Variants in TXN2 observed in about 807,000 individuals in gnomAD.
The protein encoded by TXN2 is thioredoxin 2, also known as thioredoxin, mitochondrial.
A neutral mutation model predicts 14.6 loss-of-function variants in TXN2; 12 were observed. The ratio of observed to expected loss-of-function variants is 0.82; its 90% CI spans 0.53 to 1.33. The LOEUF (loss-of-function observed/expected upper bound fraction) is 1.33, where lower values mean the gene tolerates loss of function less well. Ranked by LOEUF, TXN2 falls within the 40% of genes most tolerant of loss-of-function variation. TXN2 has a pLI of 0.00. For synonymous variants in TXN2, 89 were observed against 81.0 expected (o/e 1.10, Z -0.53); for missense variants, 173 against 207.7 (o/e 0.83, Z 1.03).
intron 3 of TXN2, among the ~76,000 whole-genome samples, chr22:36,476,516 C>CG (rs1568978233): frequency 6.6e-6 from 1 of 151,842 alleles, no homozygotes; most frequent in Non-Finnish European, 1.5e-5. Context: ...CGCGTGAACC[C>CG]GGGAGGCAGA....
Position 36,477,966 on chromosome 22 carries a change from G to A in TXN2, c.264-1110C>T, listed in dbSNP as rs144118419. On this transcript the variant is annotated intron_variant, in intron 2 of 3. Transcript: ENST00000216185. ...AGCCTGGCCAACATGGTAAAACCTC[G>A]TCTCTACTAAAAATACAAAGATTAG... 3.2e-3 allele frequency among the ~76,000 whole-genome samples: 487 copies of A among 151,880 alleles called. 3 individuals are homozygous for A. The highest frequency in any genetic ancestry group is 0.011 in the African/African-American group (466 of 41,398).
intron 3 of TXN2, among the ~76,000 whole-genome samples, chr22:36,471,319 G>T: frequency 6.6e-6 from 1 of 152,262 alleles, no homozygotes; most frequent in South Asian, 2.1e-4. Context: ...CAGGAGTGGG[G>T]GAGTGTGTAC....
chr22:36,481,627 G>A lies in TXN2; in HGVS notation c.-64C>T, dbSNP rs1193168902. On this transcript the variant is annotated 5_prime_UTR_variant, in exon 1 of 4. Transcript: ENST00000216185. ...CTCCCTGCCTGTCAAGGGCACGCCT[G>A]TCGTCACTTCCTCGGGGGGGGACGT... 4.1e-6 allele frequency: 4 copies of A among 975,470 alleles called. No homozygotes were observed. Among genetic ancestry groups the A allele is most frequent in the East Asian group, 2.3e-4 (2 of 8,688 alleles). The allele number at this position is 975,470 out of a possible 1,614,324, so 60.4% of individuals were successfully genotyped here.
chr22:36,479,375 A>G (rs1933452054), intron 2 of TXN2, among the ~76,000 whole-genome samples: 1 of 146,560 alleles, frequency 6.8e-6, no homozygotes, highest in Non-Finnish European at 1.5e-5. Context: ...TCTGTCACCC[A>G]GGCTGGAGTG....
chr22:36,479,450 G>A (rs1817597480), intron 2 of TXN2, among the ~76,000 whole-genome samples: 1 of 151,648 alleles, frequency 6.6e-6, no homozygotes, highest in African/African-American at 2.4e-5. Context: ...TCCTGCCTCA[G>A]CCTCTTGGGT....
intron 3 of TXN2, among the ~76,000 whole-genome samples, chr22:36,471,516 G>T: frequency 6.6e-6 from 1 of 152,194 alleles, no homozygotes; most frequent in East Asian, 1.9e-4. Context: ...GCTCATTGCA[G>T]AGTTAAAAGG....
At chr22:36,470,785 A>G (rs1411905438) in intron 3 of TXN2, among the ~76,000 whole-genome samples, 1 of 151,796 alleles carries the variant, frequency 6.6e-6, no homozygotes, top group Admixed American at 6.6e-5. Context: ...AAATATTAAA[A>G]AAAAAAAAAA....
Position 36,467,555 on chromosome 22 carries a change from G to A in TXN2, c.*249C>T. ...ACACATCCTGGGAGAACTGCCATAG[G>A]CCCTAGAAGGAGGGATGAAAGGCGT... On this transcript the variant is annotated 3_prime_UTR_variant, in exon 4 of 4. Coordinates refer to ENST00000216185, the MANE Select transcript of TXN2 (RefSeq NM_012473.4). The A allele has an allele frequency of 2.1e-6, 1 of 482,138 alleles. No individual in the cohort carries two copies. Among genetic ancestry groups the A allele is most frequent in the East Asian group, 4.0e-5 (1 of 25,244 alleles). The allele number at this position is 482,138 out of a possible 1,614,324, so 29.9% of individuals were successfully genotyped here.
intron 3 of TXN2, chr22:36,468,606 A>G: frequency 2.3e-6 from 1 of 440,506 alleles, no homozygotes; most frequent in South Asian, 1.6e-5. Flanking sequence ...ACATGCCTGT[A>G]CTCCCATACT....
chr22:36,474,498 T>G lies in TXN2; in HGVS notation c.387+2235A>C, dbSNP rs73169637. 9.0e-3 allele frequency among the ~76,000 whole-genome samples: 1,372 copies of G among 152,200 alleles called. 14 individuals are homozygous for G. Among genetic ancestry groups the G allele is most frequent in the East Asian group, 0.042 (220 of 5,182 alleles). On this transcript the variant is annotated intron_variant, in intron 3 of 3. Transcript: ENST00000216185. ...AAGAGTGAAACCTGGACTTGTATAC[T>G]CTGAGGAATAAAGCGGCCTCTTTCA...
intron 3 of TXN2, among the ~76,000 whole-genome samples, chr22:36,476,277 A>C (rs1412993329): frequency 1.3e-5 from 2 of 152,144 alleles, no homozygotes; most frequent in Non-Finnish European, 2.9e-5. Context: ...ACCTCTGCAA[A>C]GTGCTCTGAG....
At chr22:36,475,614 C>T (rs930850239) in intron 3 of TXN2, among the ~76,000 whole-genome samples, 6 of 152,136 alleles carry the variant, frequency 3.9e-5, no homozygotes, top group Non-Finnish European at 7.4e-5. Flanking sequence ...GTTGTAGCAG[C>T]GACCACTGCC....
chr22:36,478,157 G>T (rs935702119), intron 2 of TXN2, among the ~76,000 whole-genome samples: 3 of 143,014 alleles, frequency 2.1e-5, no homozygotes, highest in African/African-American at 5.3e-5. Context: ...AAAAAAAAGA[G>T]AAAGTGTTTT....
At chr22:36,473,235 G>A (rs1403423834) in intron 3 of TXN2, among the ~76,000 whole-genome samples, 1 of 152,172 alleles carries the variant, frequency 6.6e-6, no homozygotes, top group Non-Finnish European at 1.5e-5. Flanking sequence ...CTGATGTCAG[G>A]AGTTTGAGAC....
At chr22:36,473,996 G>A (rs572684940) in intron 3 of TXN2, among the ~76,000 whole-genome samples, 1 of 152,354 alleles carries the variant, frequency 6.6e-6, no homozygotes, top group South Asian at 2.1e-4. Flanking sequence ...ATTGGCTGAA[G>A]CTGAAGCTGT....
At chr22:36,470,514 C>T (rs1933251348) in intron 3 of TXN2, among the ~76,000 whole-genome samples, 1 of 152,234 alleles carries the variant, frequency 6.6e-6, no homozygotes, top group South Asian at 2.1e-4. Context: ...CCCACCTGCA[C>T]ACTGTCCTAT....
chr22:36,468,611 C>A, intron 3 of TXN2: 1 of 443,614 alleles, frequency 2.3e-6, no homozygotes, highest in Admixed American at 2.4e-5. Flanking sequence ...CCTGTACTCC[C>A]ATACTCGGGA....
At position 36,476,864 on chromosome 22, in the gene TXN2, G is replaced by A; in HGVS notation, c.264-8C>T. On this transcript the variant is annotated splice_polypyrimidine_tract_variant and splice_region_variant and intron_variant, in intron 2 of 3. Coordinates refer to ENST00000216185, the MANE Select transcript of TXN2 (RefSeq NM_012473.4). Reference sequence around the variant, plus strand: ...TTGCAGGGTCCACACCACCTCAAAAGGCGAGAAAGGAAGCATCCAGTCAGT... The same window carrying A: ...TTGCAGGGTCCACACCACCTCAAAAAGCGAGAAAGGAAGCATCCAGTCAGT... 6.2e-7 allele frequency: 1 copy of A among 1,614,120 alleles called. No homozygotes were observed. Among genetic ancestry groups the A allele is most frequent in the East Asian group, 2.2e-5 (1 of 44,878 alleles).
intron 2 of TXN2, among the ~76,000 whole-genome samples, chr22:36,477,874 C>A (rs1210703481): frequency 6.6e-6 from 1 of 152,094 alleles, no homozygotes; most frequent in Non-Finnish European, 1.5e-5. Context: ...CGGTGACCCA[C>A]GCCTATAATT....
Sources: allele counts gnomAD v4.1 joint callset (sites outside exome capture counted in the v4.1 genomes callset), GRCh38; gene constraint gnomAD v4.1.1; transcripts MANE v1.5; gene names NCBI Gene and HGNC (gene_info 2026-07-23, HGNC 2026-07-21).